MINDY3: variants seen among roughly 807,000 people sequenced by gnomAD.
MINDY3 encodes MINDY lysine 48 deubiquitinase 3.
A neutral mutation model predicts 69.2 loss-of-function variants in MINDY3; 38 were observed. The observed-to-expected ratio is 0.55, with a 90% CI of 0.42 to 0.72. The LOEUF is 0.72. Ranked by LOEUF, MINDY3 falls within the 30% of genes least tolerant of loss-of-function variation. The pLI is 0.00. For missense variants in MINDY3, 522 were observed against 519.0 expected, an observed-to-expected ratio of 1.01 and a Z score of -0.06; for synonymous variants, 192 against 180.1, an observed-to-expected ratio of 1.07 and a Z score of -0.53.
chr10:15,788,968 G>GTGTT, intron 12 of MINDY3: 1 of 263,396 alleles, frequency 3.8e-6, no homozygotes, highest in Admixed American at 4.7e-5. Context: ...ACGTGGGGAA[G>GTGTT]TGTTTGCAGA....
intron 2 of MINDY3, among the ~76,000 whole-genome samples, chr10:15,844,990 T>C (rs1376551979): frequency 6.6e-6 from 1 of 152,168 alleles, no homozygotes; most frequent in Non-Finnish European, 1.5e-5. Context: ...AGTGTTTTTC[T>C]AATTAACTTC....
chr10:15,816,819 C>A lies in MINDY3; in HGVS notation c.882+16G>T, dbSNP rs761960087. On this transcript the variant is annotated intron_variant, in intron 10 of 14. Coordinates refer to ENST00000277632, the MANE Select transcript of MINDY3 (RefSeq NM_024948.4). ...CTGATGTCATAACTTAAAAAAAAATCCTGCTATAAGCATACCTTGGCAAAA... is the reference window on the plus strand; with the variant it reads ...CTGATGTCATAACTTAAAAAAAAATACTGCTATAAGCATACCTTGGCAAAA... The A allele has an allele frequency of 6.3e-7, 1 of 1,575,860 alleles. No individual in the cohort carries two copies. Among genetic ancestry groups the A allele is most frequent in the South Asian group, 1.1e-5 (1 of 88,454 alleles).
rs1467365181 is a variant in MINDY3, at chr10:15,778,293, G to A, written c.*699C>T. 6.6e-6 allele frequency: 1 copy of A among 152,168 alleles called. No individual in the cohort carries two copies. The highest frequency in any genetic ancestry group is 2.4e-5 in the African/African-American group (1 of 41,438). 9.4% of individuals were successfully genotyped at this position (152,168 alleles called of 1,614,324 possible). A position where few individuals can be genotyped will look rare whatever the true frequency, so the allele number is the denominator to read the frequency against. ...GTGTTTATAAATATAGAAGAAAGCT[G>A]GCTTACAGGGCTGTTGGGACAAATT... On this transcript the variant is annotated 3_prime_UTR_variant, in exon 15 of 15. Transcript: ENST00000277632.
intron 1 of MINDY3, among the ~76,000 whole-genome samples, chr10:15,854,465 T>G (rs1834550604): frequency 6.6e-6 from 1 of 152,098 alleles, no homozygotes; most frequent in South Asian, 2.1e-4. Context: ...AGTTTTAAAT[T>G]TTTTGAGTTG....
intron 2 of MINDY3, among the ~76,000 whole-genome samples, chr10:15,846,565 C>T (rs1188830599): frequency 6.6e-6 from 1 of 151,846 alleles, no homozygotes; most frequent in East Asian, 1.9e-4. Flanking sequence ...AAAAAGTCAA[C>T]TTAAAAAAAT....
chr10:15,799,714 T>G (rs926982006), intron 10 of MINDY3, among the ~76,000 whole-genome samples: 7 of 152,082 alleles, frequency 4.6e-5, no homozygotes, highest in African/African-American at 1.2e-4. Flanking sequence ...GACTGAGAAC[T>G]GTGACAGAAA....
rs1833145802 is a variant in MINDY3 at position 15,837,267 on chromosome 10, C to A, written c.513G>T (p.Gln171His). ...LPELKDAVLD[Q>H]YSMWGNKFGV... is the part of the protein sequence containing the mutation. ...CAAATTTATTTCCCCACATTGAATA[C>A]TGGTCCAAGACAGCATCTTTTAATT... is the stretch of plus-strand genomic sequence containing the variant. The change falls in exon 6 of 15, where the codon CAG (glutamine) becomes CAT (histidine). Residue 171 changes from glutamine to histidine, a missense_variant. Transcript: ENST00000277632. The A allele has an allele frequency of 6.2e-7, 1 of 1,608,730 alleles. No homozygotes were observed. Among genetic ancestry groups the A allele is most frequent in the East Asian group, 2.2e-5 (1 of 44,708 alleles).
intron 11 of MINDY3, among the ~76,000 whole-genome samples, chr10:15,793,630 G>T (rs771741023): frequency 1.3e-5 from 2 of 152,102 alleles, no homozygotes; most frequent in Non-Finnish European, 2.9e-5. Context: ...GTAGTAGAGA[G>T]AAGGGGAAAG....
chr10:15,817,072 G>C (rs1839425211), intron 9 of MINDY3, 157 bp from the exon 10 acceptor site: 2 of 611,942 alleles, frequency 3.3e-6, no homozygotes, highest in South Asian at 4.2e-5. Context: ...ATCAAATGCT[G>C]AATGTAAAAA....
intron 1 of MINDY3, among the ~76,000 whole-genome samples, chr10:15,850,213 G>A (rs1442407620): frequency 6.6e-6 from 1 of 152,122 alleles, no homozygotes; most frequent in African/African-American, 2.4e-5. Context: ...TTCGTAAGCT[G>A]AGCATGTATG....
chr10:15,850,796 C>T (rs1228719397), intron 1 of MINDY3, among the ~76,000 whole-genome samples: 1 of 152,148 alleles, frequency 6.6e-6, no homozygotes, highest in African/African-American at 2.4e-5. Flanking sequence ...CATGTGATCT[C>T]AGCTAATAAA....
intron 12 of MINDY3, among the ~76,000 whole-genome samples, chr10:15,788,622 TAAG>T (rs1390444294): frequency 6.6e-5 from 10 of 152,220 alleles, no homozygotes; most frequent in East Asian, 1.9e-4. Flanking sequence ...TGTATCCACT[TAAG>T]AAGAGTTATT....
At chr10:15,794,960 A>G (rs1837698361) in intron 11 of MINDY3, among the ~76,000 whole-genome samples, 1 of 149,956 alleles carries the variant, frequency 6.7e-6, no homozygotes, top group Non-Finnish European at 1.5e-5. Context: ...AGATTTTCTG[A>G]TCCTTTCCTT....
intron 11 of MINDY3, among the ~76,000 whole-genome samples, chr10:15,791,509 A>G (rs534113533): frequency 1.4e-4 from 21 of 151,776 alleles, no homozygotes; most frequent in African/African-American, 3.4e-4. Context: ...AACTACATAG[A>G]TATCAACACA....
intron 2 of MINDY3, among the ~76,000 whole-genome samples, chr10:15,846,670 T>C (rs571693241): frequency 1.1e-4 from 17 of 152,162 alleles, no homozygotes; most frequent in East Asian, 5.8e-4. Flanking sequence ...ATGCTCTATA[T>C]AGAGCATAAG....
intron 10 of MINDY3, among the ~76,000 whole-genome samples, chr10:15,810,085 GGAT>G (rs1838895843): frequency 6.6e-6 from 1 of 151,954 alleles, no homozygotes; most frequent in Non-Finnish European, 1.5e-5. Flanking sequence ...AAAATGTGTT[GGAT>G]GATTATAGGT....
intron 9 of MINDY3, 21 bp downstream of exon 9, chr10:15,821,635 G>T: frequency 6.4e-7 from 1 of 1,572,584 alleles, no homozygotes; most frequent in Non-Finnish European, 8.7e-7. Flanking sequence ...AACATTCAAA[G>T]TACCTTAAAA....
chr10:15,820,214 G>C (rs930751349), intron 9 of MINDY3, among the ~76,000 whole-genome samples: 5 of 152,174 alleles, frequency 3.3e-5, no homozygotes, highest in Admixed American at 2.0e-4. Flanking sequence ...GGGACAGTGA[G>C]CCATCCATCT....
intron 4 of MINDY3, among the ~76,000 whole-genome samples, chr10:15,838,636 A>G (rs1278776528): frequency 1.3e-5 from 2 of 151,694 alleles, no homozygotes; most frequent in Admixed American, 6.6e-5. Flanking sequence ...AATCCAAGTA[A>G]TATCATCAGA....
Sources: gnomAD v4.1 joint callset for allele counts (sites outside exome capture counted in the v4.1 genomes callset) on GRCh38, gnomAD v4.1.1 for gene constraint, MANE v1.5 for transcripts, NCBI Gene and HGNC (gene_info 2026-07-23, HGNC 2026-07-21) for gene names.